Variants in ZFPM1 observed in about 807,000 individuals in gnomAD.
The protein encoded by ZFPM1 is zinc finger protein, FOG family member 1, also known as zinc finger protein ZFPM1.
A neutral mutation model predicts 46.3 loss-of-function variants in ZFPM1; 28 were observed. That is an observed-to-expected ratio of 0.60 (90% CI 0.45 to 0.83). The LOEUF is 0.83. Among genes scored for constraint, ZFPM1 ranks in the 40% least tolerant of loss-of-function variants. The probability of loss-of-function intolerance (pLI) is 0.00; values close to 1 mark genes in which losing one functional copy is unlikely to be tolerated. For synonymous variants in ZFPM1, 957 were observed against 675.9 expected, an observed-to-expected ratio of 1.42 and a Z score of -6.45; for missense variants, 1,878 against 1,432.4, an observed-to-expected ratio of 1.31 and a Z score of -5.02.
chr16:88,478,717 A>G (rs915530721), intron 1 of ZFPM1, among the ~76,000 whole-genome samples: 7 of 152,196 alleles, frequency 4.6e-5, no homozygotes, highest in South Asian at 2.1e-4. Flanking sequence ...AGCCTCCGCC[A>G]GAGGGATGAG....
chr16:88,512,090 G>A (rs956957808), intron 3 of ZFPM1, among the ~76,000 whole-genome samples: 3 of 152,256 alleles, frequency 2.0e-5, no homozygotes, highest in African/African-American at 7.2e-5. Context: ...ACCCAGAAGG[G>A]GCGGCCGCCA....
chr16:88,507,968 C>A (rs1910752044), intron 3 of ZFPM1, among the ~76,000 whole-genome samples: 1 of 152,164 alleles, frequency 6.6e-6, no homozygotes, highest in East Asian at 1.9e-4. Context: ...AAGGGGATCA[C>A]AGGAAGGGGC....
At chr16:88,486,600 T>C (rs1909239290) in intron 2 of ZFPM1, among the ~76,000 whole-genome samples, 1 of 148,862 alleles carries the variant, frequency 6.7e-6, no homozygotes, top group Non-Finnish European at 1.5e-5. Flanking sequence ...GGGCGCTGGG[T>C]GCACAGCAGA....
At chr16:88,526,405 T>C (rs949252145) in intron 4 of ZFPM1, among the ~76,000 whole-genome samples, 2 of 152,154 alleles carry the variant, frequency 1.3e-5, no homozygotes, top group African/African-American at 4.8e-5. Flanking sequence ...AACAGCGGTT[T>C]CACACCCAGC....
chr16:88,457,559 G>C (rs568136200), intron 1 of ZFPM1, among the ~76,000 whole-genome samples: 45 of 152,314 alleles, frequency 3.0e-4, no homozygotes, highest in African/African-American at 1.1e-3. Context: ...CCTGCAGCCT[G>C]CTTGATGCTT....
rs923174261 is a variant in ZFPM1, at chr16:88,534,130, T to A, written c.2172T>A (p.Pro724=). 4.4e-5 allele frequency: 44 copies of A among 994,594 alleles called. No individual in the cohort carries two copies. Among genetic ancestry groups the A allele is most frequent in the East Asian group, 2.0e-4 (2 of 10,166 alleles). 61.6% of individuals were successfully genotyped at this position (994,594 alleles called of 1,614,324 possible). A position where few individuals can be genotyped will look rare whatever the true frequency, so the allele number is the denominator to read the frequency against. Residue 724 remains proline (P), a synonymous_variant, in exon 10 of 10, where the codon CCT becomes CCA. Transcript: ENST00000319555. The part of the protein sequence containing the change: ...PRRPAAPPGP[P]GPAAPPAPSP... ...GACCGGCCGCGCCCCCGGGACCCCC[T>A]GGGCCGGCCGCGCCCCCGGCCCCCT...
chr16:88,453,058 A>C (rs1907347659), upstream of ZFPM1, among the ~76,000 whole-genome samples: 1 of 146,802 alleles, frequency 6.8e-6, no homozygotes, highest in African/African-American at 2.5e-5. Flanking sequence ...GGTCGGAGCC[A>C]GCGCCGTAAA....
chr16:88,534,171 T>G lies in ZFPM1; in HGVS notation c.2213T>G (p.Val738Gly), dbSNP rs1219340135. 1.0e-6 allele frequency: 1 copy of G among 987,866 alleles called. No homozygotes were observed. The highest frequency in any genetic ancestry group is 1.2e-4 in the East Asian group (1 of 8,478). The allele number at this position is 987,866 out of a possible 1,614,324, so 61.2% of individuals were successfully genotyped here. The change falls in exon 10 of 10, where the codon GTG (valine) becomes GGG (glycine). Residue 738 changes from valine to glycine, a missense_variant. Val to Gly is a moderately radical substitution (Grantham distance 109). Coordinates refer to ENST00000319555, the MANE Select transcript of ZFPM1 (RefSeq NM_153813.3). ...APPAPSPAAP[V>G]RTRRRRKLYE... is the part of the protein sequence containing the mutation. ...CCGGCCCCCTCTCCCGCCGCGCCTG[T>G]GCGCACGCGCAGACGCCGCAAGCTC...
chr16:88,525,185 C>T (rs1597280652), intron 4 of ZFPM1, among the ~76,000 whole-genome samples: 1 of 152,228 alleles, frequency 6.6e-6, no homozygotes, highest in African/African-American at 2.4e-5. Context: ...GTGCCCTGCC[C>T]AAGGTCGCAG....
chr16:88,494,827 G>C (rs1909844086), intron 3 of ZFPM1, among the ~76,000 whole-genome samples: 1 of 152,150 alleles, frequency 6.6e-6, no homozygotes, highest in Non-Finnish European at 1.5e-5. Context: ...CCACAGAGAA[G>C]GGACCTCGGG....
intron 3 of ZFPM1, among the ~76,000 whole-genome samples, chr16:88,490,006 G>C (rs943122872): frequency 6.6e-6 from 1 of 152,238 alleles, no homozygotes; most frequent in Non-Finnish European, 1.5e-5. Flanking sequence ...AGCGTGGGGA[G>C]GGGCAGGTGC....
chr16:88,504,362 C>T (rs1485237609), intron 3 of ZFPM1, among the ~76,000 whole-genome samples: 1 of 152,120 alleles, frequency 6.6e-6, no homozygotes, highest in Non-Finnish European at 1.5e-5. Flanking sequence ...AGTTCTCAGG[C>T]CTCAGGGTCC....
Position 88,532,041 on chromosome 16 carries a change from G to A in ZFPM1, c.752G>A (p.Arg251His), listed in dbSNP as rs998162607. Reference protein sequence around the residue: ...FPCKDCGIWYRSERNLQAHLL... With the variant: ...FPCKDCGIWYHSERNLQAHLL... ...TGCAAGGACTGTGGCATCTGGTACCGCAGCGAGCGCAACCTGCAGGCGCAC... is the reference window on the plus strand; with the variant it reads ...TGCAAGGACTGTGGCATCTGGTACCACAGCGAGCGCAACCTGCAGGCGCAC... The change falls in exon 7 of 10, where the codon CGC becomes CAC. Residue 251 changes from arginine to histidine, a missense_variant. Transcript: ENST00000319555. 10 of 1,611,592 alleles carry A rather than the reference G, an allele frequency of 6.2e-6. No homozygotes were observed. Among genetic ancestry groups the A allele is most frequent in the Non-Finnish European group, 8.5e-6 (10 of 1,179,198 alleles).
chr16:88,495,024 C>T (rs921728415), intron 3 of ZFPM1, among the ~76,000 whole-genome samples: 6 of 151,952 alleles, frequency 3.9e-5, no homozygotes, highest in Admixed American at 2.0e-4. Flanking sequence ...AATCCCTGCA[C>T]GCGCTCGGGA....
chr16:88,499,385 G>A (rs538592752), intron 3 of ZFPM1, among the ~76,000 whole-genome samples: 2 of 102,468 alleles, frequency 2.0e-5, no homozygotes, highest in African/African-American at 5.8e-5. Context: ...GAGCAGCCGC[G>A]GAGGAGAAGA....
intron 4 of ZFPM1, among the ~76,000 whole-genome samples, chr16:88,521,391 A>G (rs371588302): frequency 6.6e-6 from 1 of 151,904 alleles, no homozygotes; most frequent in African/African-American, 2.4e-5. Flanking sequence ...GTTTCAGAGG[A>G]CTGCTCAGAC....
chr16:88,503,805 C>T (rs576935728), intron 3 of ZFPM1, among the ~76,000 whole-genome samples: 2 of 152,180 alleles, frequency 1.3e-5, no homozygotes, highest in East Asian at 3.9e-4. Context: ...GTTAGCGCCT[C>T]GGGCTGCCAG....
At chr16:88,477,061 G>A (rs527604899) in intron 1 of ZFPM1, among the ~76,000 whole-genome samples, 12 of 135,940 alleles carry the variant, frequency 8.8e-5, no homozygotes, top group Middle Eastern at 4.0e-3. Flanking sequence ...GACCTTCCCC[G>A]CAGCCCTGAA....
At chr16:88,499,140 G>A (rs1910107993) in intron 3 of ZFPM1, among the ~76,000 whole-genome samples, 1 of 152,140 alleles carries the variant, frequency 6.6e-6, no homozygotes, top group South Asian at 2.1e-4. Flanking sequence ...GGCACCCTGG[G>A]GCCTGGCTGA....
Sources: allele counts gnomAD v4.1 joint callset (sites outside exome capture counted in the v4.1 genomes callset), GRCh38; gene constraint gnomAD v4.1.1; transcripts MANE v1.5; gene names NCBI Gene and HGNC (gene_info 2026-07-23, HGNC 2026-07-21).